The following CD8B2 variants were observed in gnomAD, a reference collection of about 807,000 sequenced individuals.
CD8B2 encodes the protein T-cell surface glycoprotein CD8 beta-2 chain.
Under a neutral mutation model 23.7 loss-of-function variants are expected in CD8B2, and 11 were observed. The observed-to-expected ratio is 0.46, with a 90% CI of 0.29 to 0.77. The LOEUF is 0.77. Ranked by LOEUF, CD8B2 falls within the 30% of genes least tolerant of loss-of-function variation. CD8B2 has a pLI of 0.09. For missense variants in CD8B2, 197 were observed against 270.5 expected (o/e 0.73, Z 1.91); for synonymous variants, 90 against 109.3 (o/e 0.82, Z 1.10).
At chr2:106,505,644 T>C (rs776756213) in intron 5 of CD8B2, among the ~76,000 whole-genome samples, 3 of 152,240 alleles carry the variant, frequency 2.0e-5, no homozygotes, top group Non-Finnish European at 4.4e-5. Flanking sequence ...TTCATATTAC[T>C]ATATGCTCTG....
At chr2:106,525,577 G>A (rs933100089) in intron 5 of CD8B2, among the ~76,000 whole-genome samples, 1 of 152,052 alleles carries the variant, frequency 6.6e-6, no homozygotes, top group South Asian at 2.1e-4. Context: ...GTTCTACCAC[G>A]TTTTCGTCAC....
chr2:106,491,204 C>T lies in CD8B2; in HGVS notation c.374C>T (p.Thr125Ile), dbSNP rs199583596. 20 of 1,607,644 alleles carry T rather than the reference C, an allele frequency of 1.2e-5. No individual in the cohort carries two copies. In the South Asian group the frequency reaches 2.0e-4, roughly 16 times the overall value. ...FCMIVGSPEL[T>I]FGKGTQLSVV... Reference sequence around the variant, plus strand: ...ATGATCGTCGGGAGCCCCGAGCTGACCTTCGGGAAGGGAACTCAGCTGAGT... The same window carrying T: ...ATGATCGTCGGGAGCCCCGAGCTGATCTTCGGGAAGGGAACTCAGCTGAGT... The change falls in exon 2 of 6, where the codon ACC becomes ATC. Residue 125 changes from threonine (T) to isoleucine (I), a missense_variant. Thr to Ile is a moderately conservative substitution (Grantham distance 89). Around this residue, in one of 3 missense-constraint regions of CD8B2, gnomAD observed 140 missense variants for 164.2 expected, o/e 0.85. Coordinates refer to ENST00000643224, the MANE Select transcript of CD8B2 (RefSeq NM_001349727.2).
chr2:106,511,384 C>T (rs374443810), downstream of CD8B2, among the ~76,000 whole-genome samples: 91 of 152,180 alleles, frequency 6.0e-4, 2 homozygotes, highest in Middle Eastern at 3.4e-3. Context: ...CTATAGTACT[C>T]CCTTTTCTGT....
intron 5 of CD8B2, among the ~76,000 whole-genome samples, chr2:106,543,808 AG>A (rs1680212640): frequency 1.3e-5 from 2 of 152,230 alleles, no homozygotes; most frequent in Admixed American, 1.3e-4. Flanking sequence ...GACTGGAGCT[AG>A]GGCTGTCTTA....
intron 5 of CD8B2, among the ~76,000 whole-genome samples, chr2:106,526,870 G>A (rs967529913): frequency 2.6e-5 from 4 of 152,148 alleles, no homozygotes; most frequent in African/African-American, 9.7e-5. Flanking sequence ...TCGAACTCCT[G>A]ACCTCAGGTC....
At chr2:106,511,177 G>A (rs554561878), downstream of CD8B2, 2 of 152,314 alleles carry the variant, frequency 1.3e-5, no homozygotes, top group Admixed American at 6.5e-5. Flanking sequence ...TCTGAACCAT[G>A]GAAATCACGG....
chr2:106,535,141 A>G (rs567005399), intron 5 of CD8B2: 47 of 152,364 alleles, frequency 3.1e-4, no homozygotes, highest in African/African-American at 1.1e-3. Flanking sequence ...TGTTTTGCAT[A>G]TAATGTCCCA....
At chr2:106,491,883 G>T (rs7578105) in intron 2 of CD8B2, among the ~76,000 whole-genome samples, 149,586 of 152,164 alleles carry the variant, frequency 0.98, 73,579 homozygotes, top group East Asian at 1. Flanking sequence ...AGGGCAGTGC[G>T]GTCCTTCAGG....
At chr2:106,516,607 T>C (rs932061869) in intron 5 of CD8B2, among the ~76,000 whole-genome samples, 1 of 152,188 alleles carries the variant, frequency 6.6e-6, no homozygotes, top group Non-Finnish European at 1.5e-5. Context: ...TGTATGGCAA[T>C]GGTGTTTCTC....
At chr2:106,492,645 C>G (rs1245990542) in intron 2 of CD8B2, among the ~76,000 whole-genome samples, 1 of 152,162 alleles carries the variant, frequency 6.6e-6, no homozygotes, top group Non-Finnish European at 1.5e-5. Flanking sequence ...CCAACCCCCT[C>G]CAGGGCTCCC....
chr2:106,487,802 C>T (rs1679106022), intron 1 of CD8B2, among the ~76,000 whole-genome samples: 1 of 152,120 alleles, frequency 6.6e-6, no homozygotes, highest in South Asian at 2.1e-4. Context: ...GAAACAGGTC[C>T]CTGCCCAGGG....
At chr2:106,533,566 A>G (rs1459442540) in intron 5 of CD8B2, among the ~76,000 whole-genome samples, 1 of 152,128 alleles carries the variant, frequency 6.6e-6, no homozygotes, top group Non-Finnish European at 1.5e-5. Flanking sequence ...TATCCTGTCC[A>G]TCCCCTCCTT....
chr2:106,517,601 T>A (rs1679748213), intron 5 of CD8B2, among the ~76,000 whole-genome samples: 1 of 152,044 alleles, frequency 6.6e-6, no homozygotes, highest in South Asian at 2.1e-4. Context: ...CCTTCCCCAG[T>A]TCTCTGGGGT....
intron 2 of CD8B2, among the ~76,000 whole-genome samples, chr2:106,491,739 A>G (rs1161343314): frequency 1.3e-5 from 2 of 151,964 alleles, no homozygotes; most frequent in Non-Finnish European, 2.9e-5. Flanking sequence ...AGTGGAGACG[A>G]GATTTCACCA....
chr2:106,505,700 C>A (rs1679491735), intron 5 of CD8B2, among the ~76,000 whole-genome samples: 1 of 152,162 alleles, frequency 6.6e-6, no homozygotes, highest in Non-Finnish European at 1.5e-5. Context: ...CTTAAACATG[C>A]CTGCTGGATT....
Position 106,496,166 on chromosome 2 carries a change from T to C in CD8B2, c.404-7T>C. 3.2e-6 allele frequency: 5 copies of C among 1,542,486 alleles called. No homozygotes were observed. The highest frequency in any genetic ancestry group is 4.4e-6 in the Non-Finnish European group (5 of 1,140,968). On this transcript the variant is annotated splice_polypyrimidine_tract_variant and splice_region_variant and intron_variant, in intron 2 of 5. Transcript: ENST00000643224. Reference sequence around the variant, plus strand: ...GCTAAGATATGTGTCTTGCTTTCTTTCTGTAGTTGATTTCCTTCCCACCAC... The same window carrying C: ...GCTAAGATATGTGTCTTGCTTTCTTCCTGTAGTTGATTTCCTTCCCACCAC...
intron 5 of CD8B2, among the ~76,000 whole-genome samples, chr2:106,524,333 C>A (rs1024964874): frequency 6.6e-6 from 1 of 152,152 alleles, no homozygotes; most frequent in African/African-American, 2.4e-5. Flanking sequence ...TGAGGCTGAG[C>A]TTTATTTCCG....
At chr2:106,514,602 A>G (rs1371221589), downstream of CD8B2, among the ~76,000 whole-genome samples, 3 of 151,744 alleles carry the variant, frequency 2.0e-5, no homozygotes, top group Non-Finnish European at 4.4e-5. Flanking sequence ...CGTCTGTCTT[A>G]TAAATTTTTC....
chr2:106,501,554 C>T lies in CD8B2; in HGVS notation c.494-920C>T, dbSNP rs560051143. Among the ~76,000 whole-genome samples the T allele has an allele frequency of 1.9e-4, 29 of 152,140 alleles. 2 individuals are homozygous for T. In the South Asian group the frequency reaches 5.2e-3, roughly 27 times the overall value. On this transcript the variant is annotated intron_variant, in intron 3 of 5. Coordinates refer to ENST00000643224, the MANE Select transcript of CD8B2 (RefSeq NM_001349727.2). ...AAAATTAGCCAGGCATGACGGCGGACGCCTGTAATCCCAGCTACTTGGGAG... is the reference window on the plus strand; with the variant it reads ...AAAATTAGCCAGGCATGACGGCGGATGCCTGTAATCCCAGCTACTTGGGAG...
Sources: gnomAD v4.1 joint callset for allele counts (sites outside exome capture counted in the v4.1 genomes callset) on GRCh38, gnomAD v4.1.1 for gene constraint, gnomAD v4.1.1 regional missense constraint, MANE v1.5 for transcripts, NCBI Gene and HGNC (gene_info 2026-07-23, HGNC 2026-07-21) for gene names.